LYN: variants seen among roughly 807,000 people sequenced by gnomAD.
LYN encodes tyrosine-protein kinase Lyn.
Under a neutral mutation model 65.0 loss-of-function variants are expected in LYN, and 12 were observed. The observed-to-expected ratio is 0.18, with a 90% CI of 0.12 to 0.30. The LOEUF (loss-of-function observed/expected upper bound fraction) is 0.30. Among genes scored for constraint, LYN ranks in the 10% least tolerant of loss-of-function variants. The pLI is 1.00. For missense variants in LYN, 380 were observed against 623.2 expected, an observed-to-expected ratio of 0.61 and a Z score of 4.16; for synonymous variants, 222 against 221.2, an observed-to-expected ratio of 1.00 and a Z score of -0.03.
intron 8 of LYN, among the ~76,000 whole-genome samples, chr8:55,961,166 C>T (rs1429899753): frequency 6.6e-6 from 1 of 152,220 alleles, no homozygotes. Flanking sequence ...AAACCACTCT[C>T]CCTTTTGTGG....
chr8:55,958,167 G>A (rs1300363254), intron 8 of LYN, among the ~76,000 whole-genome samples: 2 of 152,144 alleles, frequency 1.3e-5, no homozygotes, highest in East Asian at 3.9e-4. Context: ...TGTACACCTG[G>A]AGCTTAAGAA....
At chr8:55,964,061 T>TATGC (rs1807368778) in intron 8 of LYN, among the ~76,000 whole-genome samples, 1 of 152,236 alleles carries the variant, frequency 6.6e-6, no homozygotes, top group Non-Finnish European at 1.5e-5. Context: ...TGCTTGTAAT[T>TATGC]ATGCATTTAG....
At chr8:55,923,070 C>T (rs1805991692) in intron 1 of LYN, among the ~76,000 whole-genome samples, 2 of 151,896 alleles carry the variant, frequency 1.3e-5, no homozygotes, top group South Asian at 2.1e-4. Flanking sequence ...AAATGTGAAG[C>T]GAAAGTGACA....
Position 56,010,712 on chromosome 8 carries a change from A to G in LYN, c.*602A>G, listed in dbSNP as rs1007093997. ...ACTGTTAAAACATTTTTCTTCTATG[A>G]ACACTGCTCAGACCTGCTAGACATG... On this transcript the variant is annotated 3_prime_UTR_variant, in exon 13 of 13. Transcript: ENST00000519728. 4 of 225,862 alleles carry G rather than the reference A, an allele frequency of 1.8e-5. No homozygotes were observed. The highest frequency in any genetic ancestry group is 3.5e-5 in the Non-Finnish European group (4 of 114,088). 14.0% of individuals were successfully genotyped at this position (225,862 alleles called of 1,614,324 possible).
intron 8 of LYN, among the ~76,000 whole-genome samples, chr8:55,957,822 C>T (rs1250829321): frequency 1.3e-5 from 2 of 152,050 alleles, no homozygotes; most frequent in African/African-American, 4.8e-5. Flanking sequence ...TGGTGTTGCA[C>T]CTGTGTTTCC....
chr8:55,969,677 G>C, intron 9 of LYN, 40 bp from the exon 10 acceptor site: 1 of 1,441,686 alleles, frequency 6.9e-7, no homozygotes, highest in Non-Finnish European at 9.8e-7. Flanking sequence ...TTTTTCTTGT[G>C]TGTTTGGAAT....
At chr8:55,891,661 TTA>T (rs1804966740) in intron 1 of LYN, among the ~76,000 whole-genome samples, 1 of 152,190 alleles carries the variant, frequency 6.6e-6, no homozygotes, top group South Asian at 2.1e-4. Context: ...TGCCACTGAG[TTA>T]TATACTTAAA....
intron 10 of LYN, among the ~76,000 whole-genome samples, chr8:55,975,718 C>G (rs1807733091): frequency 7.0e-6 from 1 of 143,080 alleles, no homozygotes; most frequent in South Asian, 2.2e-4. Flanking sequence ...GTCAGAATTG[C>G]AAAAGTGGAT....
At chr8:55,904,237 A>G (rs1322851785) in intron 1 of LYN, among the ~76,000 whole-genome samples, 3 of 152,208 alleles carry the variant, frequency 2.0e-5, no homozygotes, top group Non-Finnish European at 4.4e-5. Flanking sequence ...TGTAAATACC[A>G]ACATTTTCTT....
At chr8:55,887,615 T>TATA (rs1392614267) in intron 1 of LYN, among the ~76,000 whole-genome samples, 2 of 91,090 alleles carry the variant, frequency 2.2e-5, no homozygotes, top group African/African-American at 4.5e-5. Context: ...TATATATATA[T>TATA]TTTTTTTTTC....
chr8:56,003,928 C>CTTTTTTTTTT (rs1213079280), intron 12 of LYN, among the ~76,000 whole-genome samples: 1 of 104,700 alleles, frequency 9.6e-6, no homozygotes, highest in Non-Finnish European at 1.9e-5. Flanking sequence ...ATATTTTATT[C>CTTTTTTTTTT]TTTTTTTTTT....
intron 1 of LYN, among the ~76,000 whole-genome samples, chr8:55,926,398 C>G (rs1286992615): frequency 6.6e-6 from 1 of 152,200 alleles, no homozygotes; most frequent in Non-Finnish European, 1.5e-5. Flanking sequence ...AAGTTCAGAG[C>G]TACATTATCA....
intron 1 of LYN, among the ~76,000 whole-genome samples, chr8:55,936,924 T>C (rs1474333327): frequency 6.6e-6 from 1 of 152,232 alleles, no homozygotes; most frequent in Non-Finnish European, 1.5e-5. Flanking sequence ...ACTTTCCTCA[T>C]ACACAAAGTA....
At chr8:55,880,334 G>A (rs1804616095) in intron 1 of LYN, among the ~76,000 whole-genome samples, 1 of 151,996 alleles carries the variant, frequency 6.6e-6, no homozygotes, top group Admixed American at 6.5e-5. Flanking sequence ...AGGGCGCGGG[G>A]ACTGAGGCTC....
chr8:55,902,958 C>G, intron 1 of LYN: 1 of 310,548 alleles, frequency 3.2e-6, no homozygotes, highest in Non-Finnish European at 6.4e-6. Flanking sequence ...CAGCGATTCT[C>G]CTGCCTCAGC....
chr8:55,969,575 A>G, intron 9 of LYN, 142 bp from the exon 10 acceptor site: 1 of 682,254 alleles, frequency 1.5e-6, no homozygotes, highest in Middle Eastern at 3.6e-4. Context: ...ATGCCAGGAA[A>G]AGGCTTTATA....
intron 8 of LYN, among the ~76,000 whole-genome samples, chr8:55,959,708 T>C (rs1807220456): frequency 6.6e-6 from 1 of 152,152 alleles, no homozygotes; most frequent in African/African-American, 2.4e-5. Flanking sequence ...TGAGTGTTCA[T>C]AGTAGCATTA....
At chr8:55,911,641 T>C (rs551359416) in intron 1 of LYN, among the ~76,000 whole-genome samples, 4 of 146,784 alleles carry the variant, frequency 2.7e-5, no homozygotes, top group African/African-American at 7.5e-5. Flanking sequence ...TAGGGTGTCC[T>C]GTATTTTATC....
intron 1 of LYN, among the ~76,000 whole-genome samples, chr8:55,933,831 G>T (rs750884766): frequency 2.6e-4 from 39 of 152,204 alleles, no homozygotes; most frequent in Non-Finnish European, 4.1e-4. Context: ...AGTAAATGCA[G>T]TGATTAAAAC....
Sources: allele counts gnomAD v4.1 joint callset (sites outside exome capture counted in the v4.1 genomes callset), GRCh38; gene constraint gnomAD v4.1.1; transcripts MANE v1.5; gene names NCBI Gene and HGNC (gene_info 2026-07-23, HGNC 2026-07-21).